SLC35F3: variants seen among roughly 807,000 people sequenced by gnomAD.
SLC35F3 encodes solute carrier family 35 member F3.
Under a neutral mutation model 49.9 loss-of-function variants are expected in SLC35F3, and 25 were observed. The ratio of observed to expected loss-of-function variants is 0.50; its 90% CI spans 0.37 to 0.70. SLC35F3 has a LOEUF of 0.70. Among genes scored for constraint, SLC35F3 ranks in the 30% least tolerant of loss-of-function variants. SLC35F3 has a pLI of 0.00. For synonymous variants in SLC35F3, 275 were observed against 265.4 expected (o/e 1.04, Z -0.35); for missense variants, 525 against 639.8 (o/e 0.82, Z 1.94).
chr1:234,155,782 C>CAAAAAAA (rs59089092), intron 2 of SLC35F3, among the ~76,000 whole-genome samples: 4 of 142,716 alleles, frequency 2.8e-5, no homozygotes, highest in South Asian at 2.2e-4. Flanking sequence ...CACAATATAC[C>CAAAAAAA]AAAAAAAAAA....
At chr1:233,925,489 A>G (rs988564444) in intron 2 of SLC35F3, among the ~76,000 whole-genome samples, 2 of 151,986 alleles carry the variant, frequency 1.3e-5, no homozygotes, top group Non-Finnish European at 2.9e-5. Flanking sequence ...TTTGCTTGGT[A>G]GATCTTCCTC....
chr1:234,309,458 G>A, intron 4 of SLC35F3, 138 bp downstream of exon 4: 1 of 714,120 alleles, frequency 1.4e-6, no homozygotes, highest in Non-Finnish European at 2.3e-6. Context: ...AGCAGAAAAT[G>A]AGCCCAGCAG....
At chr1:234,232,210 G>A (rs940803686) in intron 3 of SLC35F3, among the ~76,000 whole-genome samples, 2 of 152,082 alleles carry the variant, frequency 1.3e-5, no homozygotes, top group East Asian at 1.9e-4. Flanking sequence ...GCCCCCCTTC[G>A]CGTATGTAAT....
intron 2 of SLC35F3, among the ~76,000 whole-genome samples, chr1:233,923,630 A>C (rs938625131): frequency 6.6e-6 from 1 of 152,076 alleles, no homozygotes; most frequent in African/African-American, 2.4e-5. Flanking sequence ...CTAATTGAAT[A>C]CCCTTTATTT....
intron 3 of SLC35F3, among the ~76,000 whole-genome samples, chr1:234,301,746 T>G (rs1053740589): frequency 1.3e-5 from 2 of 152,210 alleles, no homozygotes; most frequent in African/African-American, 2.4e-5. Context: ...ACACATATGT[T>G]TATTGCAGCA....
intron 2 of SLC35F3, among the ~76,000 whole-genome samples, chr1:234,100,161 T>C (rs763372461): frequency 3.3e-5 from 5 of 152,210 alleles, no homozygotes; most frequent in Non-Finnish European, 7.4e-5. Context: ...AGAAACTAAA[T>C]GAAAATGAAA....
intron 2 of SLC35F3, among the ~76,000 whole-genome samples, chr1:234,218,583 T>C (rs916140960): frequency 5.3e-5 from 8 of 152,234 alleles, no homozygotes; most frequent in African/African-American, 1.9e-4. Context: ...TCCAACTTTA[T>C]AGATAAGGAA....
At chr1:234,070,664 T>G (rs931433793) in intron 2 of SLC35F3, among the ~76,000 whole-genome samples, 1 of 152,226 alleles carries the variant, frequency 6.6e-6, no homozygotes, top group East Asian at 1.9e-4. Context: ...TTTTTTAATC[T>G]CATCAGGTTC....
intron 3 of SLC35F3, among the ~76,000 whole-genome samples, chr1:234,263,647 G>T (rs895357722): frequency 3.3e-5 from 5 of 152,110 alleles, no homozygotes; most frequent in Middle Eastern, 6.3e-3. Flanking sequence ...CAATCCTCTG[G>T]GTAATTCTAA....
chr1:234,276,944 A>C (rs1406159700), intron 3 of SLC35F3, among the ~76,000 whole-genome samples: 1 of 152,216 alleles, frequency 6.6e-6, no homozygotes, highest in African/African-American at 2.4e-5. Flanking sequence ...AAGCAGGTGG[A>C]GGGCAAGAGG....
At chr1:234,144,935 G>A (rs73106453) in intron 2 of SLC35F3, among the ~76,000 whole-genome samples, 13,559 of 152,244 alleles carry the variant, frequency 0.089, 1,978 homozygotes, top group African/African-American at 0.3. Flanking sequence ...CCAGCTGTAG[G>A]AAATAGCATG....
chr1:233,934,371 T>A (rs1260384143), intron 2 of SLC35F3, among the ~76,000 whole-genome samples: 1 of 152,218 alleles, frequency 6.6e-6, no homozygotes, highest in Non-Finnish European at 1.5e-5. Flanking sequence ...TTTCTATATG[T>A]ATGAATTCCT....
rs998392987 is a variant in SLC35F3 at position 234,231,883 on chromosome 1, C to G, written c.608+142C>G. ...AGATGTTGCAGTGAATGCACCTGCT[C>G]TCAGTGGGGTCGGGAGCAGAATTCT... On this transcript the variant is annotated intron_variant, in intron 3 of 7. Coordinates refer to ENST00000366618, the MANE Select transcript of SLC35F3 (RefSeq NM_173508.4). This position sits in a 1 kb window ranked among gnomAD's most constrained non-coding sequence, Gnocchi z 5.4. The G allele has an allele frequency of 8.9e-6, 7 of 789,998 alleles. No individual in the cohort carries two copies. The highest frequency in any genetic ancestry group is 1.4e-5 in the Non-Finnish European group (7 of 489,356). The allele number at this position is 789,998 out of a possible 1,614,324, so 48.9% of individuals were successfully genotyped here.
chr1:234,023,975 C>T (rs1445220535), intron 2 of SLC35F3, among the ~76,000 whole-genome samples: 1 of 151,944 alleles, frequency 6.6e-6, no homozygotes, highest in Non-Finnish European at 1.5e-5. Flanking sequence ...AAATGTAATA[C>T]CATATCCTGG....
intron 2 of SLC35F3, among the ~76,000 whole-genome samples, chr1:233,953,715 C>T (rs1215736043): frequency 6.6e-6 from 1 of 152,148 alleles, no homozygotes; most frequent in East Asian, 1.9e-4. Flanking sequence ...CATGAAGTGT[C>T]GCAGGGTAGA....
At chr1:234,014,598 A>T (rs1264738700) in intron 2 of SLC35F3, among the ~76,000 whole-genome samples, 1 of 152,228 alleles carries the variant, frequency 6.6e-6, no homozygotes, top group Non-Finnish European at 1.5e-5. Context: ...TCCACCCAAA[A>T]ACTGTTAGAA....
At chr1:234,066,774 CCT>C (rs147597348) in intron 2 of SLC35F3, among the ~76,000 whole-genome samples, 14 of 142,744 alleles carry the variant, frequency 9.8e-5, no homozygotes, top group East Asian at 2.1e-4. Flanking sequence ...TCTTTCCTTC[CCT>C]CTCTCTCTCT....
intron 2 of SLC35F3, among the ~76,000 whole-genome samples, chr1:234,197,451 C>G (rs1373584141): frequency 6.6e-6 from 1 of 152,152 alleles, no homozygotes; most frequent in South Asian, 2.1e-4. Context: ...GGAGAGAGTT[C>G]GGTTAAGGAG....
intron 2 of SLC35F3, among the ~76,000 whole-genome samples, chr1:234,176,312 G>A (rs1666475025): frequency 6.6e-6 from 1 of 152,184 alleles, no homozygotes; most frequent in African/African-American, 2.4e-5. Flanking sequence ...AATTTTGGGG[G>A]AAAAGAGAAA....
Sources: gnomAD v4.1 joint callset for allele counts (sites outside exome capture counted in the v4.1 genomes callset) on GRCh38, gnomAD v4.1.1 for gene constraint, Gnocchi (gnomAD v3.1) non-coding constraint, MANE v1.5 for transcripts, NCBI Gene and HGNC (gene_info 2026-07-23, HGNC 2026-07-21) for gene names.